MAP2: variants seen among roughly 807,000 people sequenced by gnomAD.
MAP2 encodes the protein microtubule-associated protein 2.
MAP2 carries 14 observed loss-of-function variants against 137.6 expected under a neutral mutation model. The observed-to-expected ratio is 0.10, with a 90% CI of 0.07 to 0.16. The LOEUF (loss-of-function observed/expected upper bound fraction) is 0.16. Among genes scored for constraint, MAP2 ranks in the 10% least tolerant of loss-of-function variants. The probability of loss-of-function intolerance (pLI) is 1.00; values close to 1 mark genes in which losing one functional copy is unlikely to be tolerated. For missense variants in MAP2, 2,088 were observed against 2,191.5 expected (o/e 0.95, Z 0.94); for synonymous variants, 786 against 782.3 (o/e 1.00, Z -0.08).
In MAP2 at chr2:209,638,894, T is replaced by C. The variant is rs1441266637; in HGVS notation, c.-30+13765T>C. ...AACCTGGTATTCAATCAATGATCAT[T>C]GAATAAGATACTAGAAACCAACATA... is the stretch of plus-strand genomic sequence containing the variant. On this transcript the variant is annotated intron_variant, in intron 4 of 15. Transcript: ENST00000682079. Among the ~76,000 whole-genome samples the C allele has an allele frequency of 3.3e-5, 5 of 152,196 alleles. No individual in the cohort carries two copies. The East Asian group carries it at 7.7e-4, about 23-fold the overall frequency.
intron 7 of MAP2, among the ~76,000 whole-genome samples, chr2:209,681,786 A>T (rs1367594054): frequency 1.3e-5 from 2 of 152,126 alleles, no homozygotes; most frequent in Non-Finnish European, 2.9e-5. Flanking sequence ...TCTTTTTATC[A>T]TTTGTAATTA....
intron 1 of MAP2, among the ~76,000 whole-genome samples, chr2:209,462,860 G>A (rs1360441397): frequency 6.6e-6 from 1 of 152,088 alleles, no homozygotes; most frequent in African/African-American, 2.4e-5. Context: ...TTAGTTTTAA[G>A]ATTTTCCATT....
chr2:209,440,461 G>A (rs1466212178), intron 1 of MAP2, among the ~76,000 whole-genome samples: 1 of 151,372 alleles, frequency 6.6e-6, no homozygotes, highest in Non-Finnish European at 1.5e-5. Flanking sequence ...CTCTTATTGA[G>A]TCCTTGAGAA....
chr2:209,469,306 C>T (rs942166584), intron 1 of MAP2, among the ~76,000 whole-genome samples: 2 of 152,156 alleles, frequency 1.3e-5, no homozygotes, highest in Non-Finnish European at 2.9e-5. Flanking sequence ...ACGATATGTT[C>T]CATTGTCTTC....
chr2:209,619,156 A>G (rs2090407624), intron 3 of MAP2, among the ~76,000 whole-genome samples: 1 of 152,126 alleles, frequency 6.6e-6, no homozygotes, highest in Non-Finnish European at 1.5e-5. Context: ...GATGTTGCTC[A>G]AAGATAACGA....
intron 1 of MAP2, among the ~76,000 whole-genome samples, chr2:209,434,893 A>ATATGTTATATATATATG (rs1239576430): frequency 2.2e-5 from 3 of 136,788 alleles, no homozygotes; most frequent in East Asian, 4.1e-4. Flanking sequence ...TGTTATATAT[A>ATATGTTATATATATATG]TGTTATATAT....
At chr2:209,677,403 TAGAC>T (rs71395564) in intron 5 of MAP2, among the ~76,000 whole-genome samples, 12,325 of 146,360 alleles carry the variant, frequency 0.084, 687 homozygotes, top group East Asian at 0.2. Flanking sequence ...GATAGATAGA[TAGAC>T]AGACAGACAG....
intron 5 of MAP2, among the ~76,000 whole-genome samples, chr2:209,662,554 TC>T (rs2044152756): frequency 6.6e-6 from 1 of 152,210 alleles, no homozygotes; most frequent in African/African-American, 2.4e-5. Context: ...TTTTCCAAGA[TC>T]TTGTTAAGTT....
intron 7 of MAP2, among the ~76,000 whole-genome samples, chr2:209,681,757 A>G (rs1404437744): frequency 1.3e-5 from 2 of 152,136 alleles, no homozygotes; most frequent in East Asian, 3.8e-4. Flanking sequence ...ACTGAAGAAC[A>G]TTTATTTTAA....
intron 4 of MAP2, among the ~76,000 whole-genome samples, chr2:209,648,621 C>CAAAAA (rs1228232293): frequency 1.2e-4 from 6 of 51,032 alleles, no homozygotes; most frequent in East Asian, 6.4e-4. Context: ...ACTAAAAATA[C>CAAAAA]AAAAAAAAAA....
At chr2:209,622,663 A>C (rs1258010369) in intron 3 of MAP2, among the ~76,000 whole-genome samples, 2 of 150,656 alleles carry the variant, frequency 1.3e-5, no homozygotes, top group African/African-American at 5.0e-5. Flanking sequence ...TGTTAAAGTA[A>C]TTTAATGCTA....
chr2:209,563,217 C>T (rs116696971), intron 2 of MAP2, among the ~76,000 whole-genome samples: 2,706 of 152,148 alleles, frequency 0.018, 76 homozygotes, highest in African/African-American at 0.06. Flanking sequence ...AATTCATATC[C>T]AGTGGTTTAG....
At chr2:209,715,055 C>T (rs538319783) in intron 13 of MAP2, among the ~76,000 whole-genome samples, 109 of 151,988 alleles carry the variant, frequency 7.2e-4, no homozygotes, top group Non-Finnish European at 1.4e-3. Context: ...TAATTTAATG[C>T]AAATAGCATG....
At chr2:209,452,061 A>G (rs1700442500) in intron 1 of MAP2, among the ~76,000 whole-genome samples, 2 of 152,230 alleles carry the variant, frequency 1.3e-5, no homozygotes, top group East Asian at 1.9e-4. Flanking sequence ...AAGTTCATGT[A>G]GAACTAATTG....
chr2:209,724,118 G>A (rs746751591), intron 13 of MAP2, among the ~76,000 whole-genome samples: 3 of 152,150 alleles, frequency 2.0e-5, no homozygotes, highest in African/African-American at 7.2e-5. Flanking sequence ...CCCAAAGTAT[G>A]TAATGTCAAT....
intron 1 of MAP2, among the ~76,000 whole-genome samples, chr2:209,503,967 G>T (rs1242964347): frequency 6.6e-6 from 1 of 152,018 alleles, no homozygotes; most frequent in South Asian, 2.1e-4. Flanking sequence ...GTGGTGAAAC[G>T]CACATGTAAT....
At chr2:209,535,450 T>G (rs1422246561) in intron 2 of MAP2, among the ~76,000 whole-genome samples, 1 of 152,188 alleles carries the variant, frequency 6.6e-6, no homozygotes, top group Non-Finnish European at 1.5e-5. Context: ...TTTTCACTAC[T>G]TCAGAGATGT....
chr2:209,642,689 G>A lies in MAP2; in HGVS notation c.-29-10453G>A, dbSNP rs1184945750. Among the ~76,000 whole-genome samples the A allele has an allele frequency of 2.6e-5, 4 of 152,208 alleles. No individual in the cohort carries two copies. In the East Asian group the frequency reaches 5.8e-4, roughly 22 times the overall value. Reference sequence around the variant, plus strand: ...CATCCTTATAGGTATTTTACAATCAGCCTGAAATAAAGCAGGGAAGATATG... The same window carrying A: ...CATCCTTATAGGTATTTTACAATCAACCTGAAATAAAGCAGGGAAGATATG... On this transcript the variant is annotated intron_variant, in intron 4 of 15. Coordinates refer to ENST00000682079, the MANE Select transcript of MAP2 (RefSeq NM_001375505.1).
At chr2:209,460,471 G>GA (rs1182866609) in intron 1 of MAP2, among the ~76,000 whole-genome samples, 3 of 151,982 alleles carry the variant, frequency 2.0e-5, no homozygotes, top group African/African-American at 7.3e-5. Flanking sequence ...AGTTGAAAGA[G>GA]AAAAAAATTC....
Sources: allele counts gnomAD v4.1 joint callset (sites outside exome capture counted in the v4.1 genomes callset), GRCh38; gene constraint gnomAD v4.1.1; transcripts MANE v1.5; gene names NCBI Gene and HGNC (gene_info 2026-07-23, HGNC 2026-07-21).